SCAPER: variants seen among roughly 807,000 people sequenced by gnomAD.
SCAPER encodes S phase cyclin A-associated protein in the endoplasmic reticulum.
Under a neutral mutation model 182.2 loss-of-function variants are expected in SCAPER, and 98 were observed. The ratio of observed to expected loss-of-function variants is 0.54; its 90% CI spans 0.46 to 0.64. SCAPER has a LOEUF of 0.64. SCAPER is among the 30% of genes least tolerant of loss of function. The probability of loss-of-function intolerance (pLI) is 0.00; values close to 1 mark genes in which losing one functional copy is unlikely to be tolerated. For missense variants in SCAPER, 1,432 were observed against 1,690.0 expected (o/e 0.85, Z 2.68); for synonymous variants, 605 against 564.6 (o/e 1.07, Z -1.01).
chr15:76,533,459 C>T (rs775835698), intron 23 of SCAPER, among the ~76,000 whole-genome samples: 10 of 152,048 alleles, frequency 6.6e-5, no homozygotes, highest in Non-Finnish European at 1.2e-4. Context: ...ACATGCTGTA[C>T]AGATTTGTAC....
intron 29 of SCAPER, among the ~76,000 whole-genome samples, chr15:76,369,316 T>C (rs961574932): frequency 3.9e-4 from 59 of 152,258 alleles, no homozygotes; most frequent in Non-Finnish European, 2.1e-4. Context: ...GACTTCTGAC[T>C]AATGATAAGG....
intron 23 of SCAPER, among the ~76,000 whole-genome samples, chr15:76,538,846 T>G (rs1047644932): frequency 6.6e-6 from 1 of 152,260 alleles, no homozygotes; most frequent in East Asian, 1.9e-4. Context: ...AGTTATTTGA[T>G]CTCCACGTCA....
At chr15:76,460,518 C>A (rs1311115049) in intron 25 of SCAPER, among the ~76,000 whole-genome samples, 3 of 152,088 alleles carry the variant, frequency 2.0e-5, no homozygotes, top group Non-Finnish European at 2.9e-5. Context: ...AATTTAACTT[C>A]CTTTTCTGAG....
chr15:76,547,854 T>C (rs2045426739), intron 23 of SCAPER, among the ~76,000 whole-genome samples: 2 of 152,216 alleles, frequency 1.3e-5, no homozygotes, highest in South Asian at 4.1e-4. Flanking sequence ...AAGTCTTGTT[T>C]ATTTCTTCTT....
At chr15:76,786,326 C>CA (rs35708368) in intron 8 of SCAPER, among the ~76,000 whole-genome samples, 46,276 of 110,882 alleles carry the variant, frequency 0.42, 9,860 homozygotes, top group East Asian at 0.59. Flanking sequence ...GACTCTGTCT[C>CA]AAAAAAAAAA....
At chr15:76,461,080 A>C (rs1416396204) in intron 25 of SCAPER, among the ~76,000 whole-genome samples, 1 of 152,086 alleles carries the variant, frequency 6.6e-6, no homozygotes, top group African/African-American at 2.4e-5. Context: ...TTTATATTTG[A>C]AATAGCTTTG....
chr15:76,416,956 A>T (rs1035757775), intron 26 of SCAPER, among the ~76,000 whole-genome samples: 1 of 151,862 alleles, frequency 6.6e-6, no homozygotes, highest in African/African-American at 2.4e-5. Context: ...AATCCCAGCT[A>T]CTCTGGAGGT....
intron 23 of SCAPER, among the ~76,000 whole-genome samples, chr15:76,505,217 C>G (rs1181549728): frequency 6.6e-6 from 1 of 152,128 alleles, no homozygotes; most frequent in Non-Finnish European, 1.5e-5. Context: ...ATGGCAAGCA[C>G]AGGCAACCAA....
chr15:76,566,974 T>C (rs1378159837), intron 23 of SCAPER, among the ~76,000 whole-genome samples: 1 of 152,118 alleles, frequency 6.6e-6, no homozygotes, highest in Non-Finnish European at 1.5e-5. Context: ...AGAAGCCACC[T>C]ATATGACTCT....
intron 15 of SCAPER, among the ~76,000 whole-genome samples, chr15:76,739,411 C>T (rs2061437387): frequency 6.6e-6 from 1 of 152,080 alleles, no homozygotes; most frequent in African/African-American, 2.4e-5. Context: ...TTGGCATATC[C>T]AAATTGCTAG....
chr15:76,886,203 G>T (rs1383600202), intron 1 of SCAPER, among the ~76,000 whole-genome samples: 1 of 152,074 alleles, frequency 6.6e-6, no homozygotes, highest in Non-Finnish European at 1.5e-5. Flanking sequence ...CTCACAACCG[G>T]GCACAGTGGC....
At chr15:76,795,835 G>A (rs1176013787) in intron 7 of SCAPER, among the ~76,000 whole-genome samples, 3 of 152,200 alleles carry the variant, frequency 2.0e-5, no homozygotes, top group South Asian at 2.1e-4. Context: ...GCCAAGGCAG[G>A]TGGATCACTT....
intron 18 of SCAPER, among the ~76,000 whole-genome samples, chr15:76,704,456 G>A (rs145368999): frequency 6.6e-6 from 1 of 152,138 alleles, no homozygotes; most frequent in Admixed American, 6.5e-5. Context: ...ACCGTTTTAG[G>A]TCTAATGTTT....
chr15:76,554,550 A>G (rs1379238903), intron 23 of SCAPER, among the ~76,000 whole-genome samples: 1 of 152,162 alleles, frequency 6.6e-6, no homozygotes, highest in African/African-American at 2.4e-5. Context: ...CTCCAAGTAT[A>G]GTATAGTTTG....
At chr15:76,844,168 A>G (rs2069781803) in intron 4 of SCAPER, among the ~76,000 whole-genome samples, 1 of 151,996 alleles carries the variant, frequency 6.6e-6, no homozygotes, top group African/African-American at 2.4e-5. Context: ...CACTCAATAG[A>G]TGACAAAACA....
At chr15:76,400,338 G>T (rs1422351090) in intron 27 of SCAPER, among the ~76,000 whole-genome samples, 1 of 152,148 alleles carries the variant, frequency 6.6e-6, no homozygotes, top group East Asian at 1.9e-4. Context: ...GACATTATGT[G>T]AATTACTCCA....
chr15:76,639,680 T>A (rs1407553294), intron 21 of SCAPER, among the ~76,000 whole-genome samples: 1 of 148,972 alleles, frequency 6.7e-6, no homozygotes. Flanking sequence ...CCCCGCCCCG[T>A]TGCTAATGTC....
At chr15:76,702,487 A>G (rs986053108) in intron 19 of SCAPER, among the ~76,000 whole-genome samples, 5 of 151,934 alleles carry the variant, frequency 3.3e-5, no homozygotes, top group African/African-American at 1.2e-4. Flanking sequence ...TTGCTTTGTC[A>G]CCCAGGATGG....
intron 17 of SCAPER, among the ~76,000 whole-genome samples, chr15:76,713,140 A>G (rs1264367483): frequency 6.6e-6 from 1 of 152,144 alleles, no homozygotes. Context: ...CAGGTGCTGG[A>G]GAGGATGTGG....
Sources: gnomAD v4.1 joint callset for allele counts (sites outside exome capture counted in the v4.1 genomes callset) on GRCh38, gnomAD v4.1.1 for gene constraint, MANE v1.5 for transcripts, NCBI Gene and HGNC (gene_info 2026-07-23, HGNC 2026-07-21) for gene names.